Variants in SEPTIN9 observed in about 807,000 individuals in gnomAD.
SEPTIN9 encodes the protein septin-9.
Under a neutral mutation model 56.6 loss-of-function variants are expected in SEPTIN9, and 13 were observed. The observed-to-expected ratio is 0.23, with a 90% CI of 0.15 to 0.37. The LOEUF is 0.37. Ranked by LOEUF, SEPTIN9 falls within the 10% of genes least tolerant of loss-of-function variation. The probability of loss-of-function intolerance (pLI) is 1.00; values close to 1 mark genes in which losing one functional copy is unlikely to be tolerated. For missense variants in SEPTIN9, 650 were observed against 823.1 expected, an observed-to-expected ratio of 0.79 and a Z score of 2.57; for synonymous variants, 332 against 334.1, an observed-to-expected ratio of 0.99 and a Z score of 0.07.
At chr17:77,343,095 C>T (rs920789810) in intron 2 of SEPTIN9, among the ~76,000 whole-genome samples, 2 of 152,106 alleles carry the variant, frequency 1.3e-5, no homozygotes, top group Admixed American at 1.3e-4. Context: ...CTCTTGAAAT[C>T]TCCAAAGTGA....
At chr17:77,353,961 A>G (rs550622042) in intron 2 of SEPTIN9, among the ~76,000 whole-genome samples, 12 of 152,160 alleles carry the variant, frequency 7.9e-5, no homozygotes, top group Non-Finnish European at 1.8e-4. Flanking sequence ...TCCGTGAGAC[A>G]GATCCCTCTA....
At chr17:77,380,217 A>G (rs1284194038) in intron 2 of SEPTIN9, 3 of 16,972 alleles carry the variant, frequency 1.8e-4, no homozygotes, top group African/African-American at 3.4e-4. Flanking sequence ...AGGGACAAGA[A>G]GATGACCTCG....
intron 5 of SEPTIN9, 70 bp from the exon 6 acceptor site, chr17:77,488,170 C>G: frequency 2.8e-6 from 4 of 1,449,868 alleles, no homozygotes; most frequent in Non-Finnish European, 3.9e-6. Context: ...GCCCCGGGGT[C>G]AGTCAGGTGT....
chr17:77,408,686 C>CGGGGGGGGGGGGGGGGGGGGGG (rs2036182048), intron 3 of SEPTIN9, among the ~76,000 whole-genome samples: 1 of 56,566 alleles, frequency 1.8e-5, no homozygotes, highest in African/African-American at 4.5e-5. Context: ...GTGGGGAGGG[C>CGGGGGGGGGGGGGGGGGGGGGG]GGGCATCAGC....
chr17:77,385,844 G>A (rs2144000042), intron 2 of SEPTIN9, among the ~76,000 whole-genome samples: 2 of 152,292 alleles, frequency 1.3e-5, no homozygotes, highest in Admixed American at 1.3e-4. Context: ...TGCCCAGGAG[G>A]GTGAAGTGGG....
At chr17:77,283,488 C>T (rs985582389) in intron 1 of SEPTIN9, among the ~76,000 whole-genome samples, 9 of 145,340 alleles carry the variant, frequency 6.2e-5, no homozygotes, top group Non-Finnish European at 1.2e-4. Context: ...TTTCCGGGTA[C>T]GGGCACTCGC....
At chr17:77,290,184 C>T (rs1164292065) in intron 1 of SEPTIN9, among the ~76,000 whole-genome samples, 1 of 152,034 alleles carries the variant, frequency 6.6e-6, no homozygotes, top group Non-Finnish European at 1.5e-5. Context: ...TTACAGTAGC[C>T]ATGCTTATAG....
rs1242825521 is a variant in SEPTIN9, at chr17:77,499,096, G to A, written c.*438G>A. 1.9e-6 allele frequency: 1 copy of A among 536,432 alleles called. No homozygotes were observed. 33.2% of individuals were successfully genotyped at this position (536,432 alleles called of 1,614,324 possible). ...ATCCCCATCGGCCCTGTCCCCTGGA[G>A]TGTGTCAGAGCCCAGGGGAGAATGC... On this transcript the variant is annotated 3_prime_UTR_variant, in exon 12 of 12. Transcript: ENST00000427177.
In SEPTIN9 at chr17:77,498,661, GCCACC is replaced by G; in HGVS notation, c.*5_*9del. On this transcript the variant is annotated 3_prime_UTR_variant, in exon 12 of 12. Coordinates refer to ENST00000427177, the MANE Select transcript of SEPTIN9 (RefSeq NM_001113491.2). ...AGCCAGAAGCCCCGGAGATGTAGAC[GCCACC>G]CTGCCCACCCCCGGGATCCTGCCCC... 1 of 1,599,610 alleles carries G rather than the reference GCCACC, an allele frequency of 6.3e-7. No individual in the cohort carries two copies. Among genetic ancestry groups the G allele is most frequent in the East Asian group, 2.3e-5 (1 of 44,194 alleles).
chr17:77,287,836 CAGGACAGGAAACAGGAG>C, intron 1 of SEPTIN9: 1 of 1,001,894 alleles, frequency 1.0e-6, no homozygotes, highest in South Asian at 4.7e-5. Flanking sequence ...TGAAAACCTC[CAGGACAGGAAACAGGAG>C]TGGCGCAGGG....
chr17:77,311,444 G>A (rs1179875533), intron 2 of SEPTIN9, among the ~76,000 whole-genome samples: 1 of 152,182 alleles, frequency 6.6e-6, no homozygotes, highest in African/African-American at 2.4e-5. Context: ...CACTGCAGGT[G>A]TCTCTGCCCT....
chr17:77,318,086 A>G lies in SEPTIN9; in HGVS notation c.76+10889A>G, dbSNP rs2032773042. On this transcript the variant is annotated intron_variant, in intron 2 of 11. Coordinates refer to ENST00000427177, the MANE Select transcript of SEPTIN9 (RefSeq NM_001113491.2). This position sits in a 1 kb window ranked among gnomAD's most constrained non-coding sequence, Gnocchi z 4.9. ...AATAAAATAAAATAATAAATATAAT[A>G]CACTTGAATCATCTCAAAACCATCT... Among the ~76,000 whole-genome samples, 2 of 151,988 alleles carry G rather than the reference A, an allele frequency of 1.3e-5. No homozygotes were observed. Among genetic ancestry groups the G allele is most frequent in the South Asian group, 4.2e-4 (2 of 4,810 alleles).
chr17:77,411,083 C>T (rs575247046), intron 3 of SEPTIN9, among the ~76,000 whole-genome samples: 21 of 144,524 alleles, frequency 1.5e-4, no homozygotes, highest in African/African-American at 5.7e-4. Context: ...AGACTCCCAT[C>T]TGGGAAAAAA....
intron 11 of SEPTIN9, 90 bp downstream of exon 11, chr17:77,497,456 C>G (rs1373513240): frequency 1.6e-6 from 2 of 1,282,604 alleles, no homozygotes; most frequent in African/African-American, 2.9e-5. Context: ...GGGCCGAAGC[C>G]CTGGGCAGAG....
At chr17:77,357,921 A>G (rs1258643418) in intron 2 of SEPTIN9, among the ~76,000 whole-genome samples, 1 of 152,214 alleles carries the variant, frequency 6.6e-6, no homozygotes, top group Non-Finnish European at 1.5e-5. Flanking sequence ...ACCCTCAGCA[A>G]ATCATTTTGC....
At chr17:77,374,741 C>G (rs1717156755) in intron 2 of SEPTIN9, 1 of 152,406 alleles carries the variant, frequency 6.6e-6, no homozygotes, top group Admixed American at 6.5e-5. Context: ...GGGGTCAGCC[C>G]TATCTGAGTG....
Position 77,487,659 on chromosome 17 carries a change from G to T in SEPTIN9, c.1042+107G>T. Reference sequence around the variant, plus strand: ...CACAGTCAGTGGCCAGGGGCGGGCTGGGGGTGCAGGACTCCTCTGCCTTCC... The same window carrying T: ...CACAGTCAGTGGCCAGGGGCGGGCTTGGGGTGCAGGACTCCTCTGCCTTCC... On this transcript the variant is annotated intron_variant, in intron 5 of 11. Transcript: ENST00000427177. The surrounding 1 kb of genome is among the most constrained non-coding windows in gnomAD (Gnocchi z 4.3). The T allele has an allele frequency of 4.7e-6, 4 of 852,360 alleles. 1 individual carries two copies. The highest frequency in any genetic ancestry group is 6.6e-6 in the Non-Finnish European group (4 of 609,978). 52.8% of individuals were successfully genotyped at this position (852,360 alleles called of 1,614,324 possible).
At chr17:77,439,415 G>A (rs573158106) in intron 3 of SEPTIN9, among the ~76,000 whole-genome samples, 1 of 152,274 alleles carries the variant, frequency 6.6e-6, no homozygotes, top group East Asian at 1.9e-4. Context: ...GCTGGGGCCT[G>A]AGAGAAGAGA....
chr17:77,466,904 C>T (rs1408001568), intron 3 of SEPTIN9, among the ~76,000 whole-genome samples: 1 of 152,124 alleles, frequency 6.6e-6, no homozygotes, highest in Non-Finnish European at 1.5e-5. Flanking sequence ...GGTCAGTGTT[C>T]CCCTGGTGCT....
Sources: gnomAD v4.1 joint callset for allele counts (sites outside exome capture counted in the v4.1 genomes callset) on GRCh38, gnomAD v4.1.1 for gene constraint, Gnocchi (gnomAD v3.1) non-coding constraint, MANE v1.5 for transcripts, NCBI Gene and HGNC (gene_info 2026-07-23, HGNC 2026-07-21) for gene names.